ADRA1B: variants seen among roughly 807,000 people sequenced by gnomAD.
ADRA1B encodes the protein adrenoceptor alpha 1B.
ADRA1B carries 17 observed loss-of-function variants against 17.9 expected under a neutral mutation model. The observed-to-expected ratio is 0.95, with a 90% CI of 0.65 to 1.42. The LOEUF is 1.42. Among genes scored for constraint, ADRA1B ranks in the 40% most tolerant of loss-of-function variants. The probability of loss-of-function intolerance (pLI) is 0.00; values close to 1 mark genes in which losing one functional copy is unlikely to be tolerated. For missense variants in ADRA1B, 681 were observed against 722.1 expected (o/e 0.94, Z 0.65); for synonymous variants, 366 against 327.6 (o/e 1.12, Z -1.27).
At chr5:159,942,108 G>C (rs1381239484) in intron 1 of ADRA1B, among the ~76,000 whole-genome samples, 5 of 152,004 alleles carry the variant, frequency 3.3e-5, no homozygotes, top group Non-Finnish European at 5.9e-5. Flanking sequence ...ATTTTTAGTA[G>C]AGATGGGGTT....
At chr5:159,894,442 A>G (rs1315326775) in intron 1 of ADRA1B, among the ~76,000 whole-genome samples, 2 of 136,190 alleles carry the variant, frequency 1.5e-5, no homozygotes, top group African/African-American at 6.1e-5. Context: ...AGAGTCAAGC[A>G]TATTCACAGT....
At chr5:159,891,023 CTATA>C (rs1753977876) in intron 1 of ADRA1B, among the ~76,000 whole-genome samples, 1 of 152,206 alleles carries the variant, frequency 6.6e-6, no homozygotes, top group Non-Finnish European at 1.5e-5. Context: ...GCCATTCTAA[CTATA>C]TCCCCTCAGT....
chr5:159,903,975 C>T lies in ADRA1B; in HGVS notation c.-255-12144C>T, dbSNP rs575959071. Among the ~76,000 whole-genome samples, 13 of 152,148 alleles carry T rather than the reference C, an allele frequency of 8.5e-5. No homozygotes were observed. In the South Asian group the frequency reaches 2.1e-3, roughly 24 times the overall value. ...ACACACACCTGTATGTGTGTGTGCA[C>T]GTGCATGTATGCGTGTGTGTGTGTA... On this transcript the variant is annotated intron_variant, in intron 1 of 2. Transcript: ENST00000641205.
In ADRA1B at chr5:159,972,745, C is replaced by T. The variant is rs929119146; in HGVS notation, c.*253C>T. 1.3e-5 allele frequency among the ~76,000 whole-genome samples: 2 copies of T among 152,122 alleles called. No individual in the cohort carries two copies. The highest frequency in any genetic ancestry group is 3.9e-4 in the East Asian group (2 of 5,154). On this transcript the variant is annotated 3_prime_UTR_variant, in exon 2 of 2. Coordinates refer to ENST00000306675, the MANE Select transcript of ADRA1B (RefSeq NM_000679.4). ...CCGCCGGGATTTACCTCTCTCTCTC[C>T]CTCTGTGTATATATAAACGAGTCCC...
chr5:159,898,180 T>C (rs1043353728), intron 1 of ADRA1B, among the ~76,000 whole-genome samples: 1 of 152,174 alleles, frequency 6.6e-6, no homozygotes, highest in African/African-American at 2.4e-5. Context: ...GTCCAGCAAA[T>C]GTGTTTGGTT....
intron 1 of ADRA1B, among the ~76,000 whole-genome samples, chr5:159,905,048 C>T (rs1021173238): frequency 6.6e-6 from 1 of 152,208 alleles, no homozygotes; most frequent in African/African-American, 2.4e-5. Flanking sequence ...TTAGCAGGAA[C>T]CTATCTCTTT....
intron 1 of ADRA1B, among the ~76,000 whole-genome samples, chr5:159,945,851 C>CT (rs1242789023): frequency 1.3e-5 from 2 of 151,778 alleles, no homozygotes; most frequent in Non-Finnish European, 2.9e-5. Flanking sequence ...GGGTTGACGC[C>CT]ATTCTCCTGC....
chr5:159,898,458 A>G (rs189601950), intron 1 of ADRA1B, among the ~76,000 whole-genome samples: 54 of 152,338 alleles, frequency 3.5e-4, no homozygotes, highest in African/African-American at 1.3e-3. Context: ...ATTCTCAACA[A>G]TACTCAGCAG....
intron 1 of ADRA1B, among the ~76,000 whole-genome samples, chr5:159,968,455 C>A (rs1301996395): frequency 6.6e-6 from 1 of 151,318 alleles, no homozygotes; most frequent in Non-Finnish European, 1.5e-5. Flanking sequence ...GGGTTGGCAC[C>A]AAACAAAGTT....
intron 1 of ADRA1B, among the ~76,000 whole-genome samples, chr5:159,938,739 A>G (rs1297184829): frequency 1.3e-5 from 2 of 152,260 alleles, no homozygotes; most frequent in Non-Finnish European, 2.9e-5. Flanking sequence ...TAAGACCCTA[A>G]TTAAATTAGC....
chr5:159,897,627 G>A (rs1754053429), intron 1 of ADRA1B, among the ~76,000 whole-genome samples: 1 of 152,178 alleles, frequency 6.6e-6, no homozygotes, highest in South Asian at 2.1e-4. Flanking sequence ...TTCTCCTCAA[G>A]ATTAGGCGCA....
At chr5:159,936,045 G>C (rs1473907995) in intron 1 of ADRA1B, among the ~76,000 whole-genome samples, 2 of 152,184 alleles carry the variant, frequency 1.3e-5, no homozygotes, top group Non-Finnish European at 2.9e-5. Context: ...TTTGTTGGGT[G>C]TTGCAAAGAT....
chr5:159,936,071 A>C (rs900761761), intron 1 of ADRA1B, among the ~76,000 whole-genome samples: 5 of 152,228 alleles, frequency 3.3e-5, no homozygotes, highest in African/African-American at 1.2e-4. Flanking sequence ...AAGACTCTTC[A>C]TGTAAATCAG....
chr5:159,972,176 G>A lies in ADRA1B; in HGVS notation c.1247G>A (p.Gly416Asp). Residue 416 changes from glycine (G) to aspartate (D), a missense_variant, in exon 2 of 2, where the codon GGC (glycine) becomes GAC (aspartate). Physicochemically the swap from Gly to Asp is moderately conservative, Grantham distance 94. This residue lies in a region of ADRA1B where 251 missense variants were observed against 224.9 expected (regional missense o/e 1.12). Transcript: ENST00000306675. The part of the protein sequence containing the change: ...SLDDSGSCLS[G>D]SQRTLPSASP... ...GACGACAGCGGCAGCTGCCTGAGCG[G>A]CAGCCAGCGGACCCTGCCCTCGGCC... 1 of 1,361,848 alleles carries A rather than the reference G, an allele frequency of 7.3e-7. No homozygotes were observed. Among genetic ancestry groups the A allele is most frequent in the East Asian group, 3.3e-5 (1 of 30,702 alleles). 84.4% of individuals were successfully genotyped at this position (1,361,848 alleles called of 1,614,324 possible). A position where few individuals can be genotyped will look rare whatever the true frequency, so the allele number is the denominator to read the frequency against.
chr5:159,969,689 C>T (rs1755834066), intron 1 of ADRA1B, among the ~76,000 whole-genome samples: 1 of 152,066 alleles, frequency 6.6e-6, no homozygotes, highest in Non-Finnish European at 1.5e-5. Context: ...GTCAGGAATA[C>T]AAAATATGCC....
upstream of ADRA1B, among the ~76,000 whole-genome samples, chr5:159,911,908 G>A (rs2113135300): frequency 6.6e-6 from 1 of 152,312 alleles, no homozygotes; most frequent in South Asian, 2.1e-4. Context: ...TTTACTGGGT[G>A]TTGTGTATTT....
At chr5:159,878,395 G>C (rs996412242) in intron 1 of ADRA1B, among the ~76,000 whole-genome samples, 4 of 152,204 alleles carry the variant, frequency 2.6e-5, no homozygotes, top group African/African-American at 4.8e-5. Flanking sequence ...CTCCCACTCA[G>C]AGTAGGGCTC....
intron 1 of ADRA1B, among the ~76,000 whole-genome samples, chr5:159,901,271 G>A (rs1754097591): frequency 6.6e-6 from 1 of 151,686 alleles, no homozygotes; most frequent in African/African-American, 2.4e-5. Flanking sequence ...TAAAGGCAGA[G>A]GGAGAAGTGA....
In ADRA1B at chr5:159,972,653, G is replaced by A. The variant is rs910525781; in HGVS notation, c.*161G>A. On this transcript the variant is annotated 3_prime_UTR_variant, in exon 2 of 2. Coordinates refer to ENST00000306675, the MANE Select transcript of ADRA1B (RefSeq NM_000679.4). The stretch of plus-strand genomic sequence containing the variant: ...AGAGGGGCAGCTGCTTTTCTGGCAG[G>A]GGCATGGGTGCCAGGTACCACGCGG... The A allele has an allele frequency of 2.3e-6, 2 of 852,260 alleles. No homozygotes were observed. Among genetic ancestry groups the A allele is most frequent in the Non-Finnish European group, 3.3e-6 (2 of 602,246 alleles). The allele number at this position is 852,260 out of a possible 1,614,324, so 52.8% of individuals were successfully genotyped here.
Sources: allele counts gnomAD v4.1 joint callset (sites outside exome capture counted in the v4.1 genomes callset), GRCh38; gene constraint gnomAD v4.1.1; regional missense constraint gnomAD v4.1.1; transcripts MANE v1.5; gene names NCBI Gene and HGNC (gene_info 2026-07-23, HGNC 2026-07-21).